The following SEC14L1 variants were observed in gnomAD, a reference collection of about 807,000 sequenced individuals.
The protein encoded by SEC14L1 is SEC14 like lipid binding 1.
A neutral mutation model predicts 85.3 loss-of-function variants in SEC14L1; 48 were observed. The observed-to-expected ratio is 0.56, with a 90% confidence interval of 0.45 to 0.72. The LOEUF (loss-of-function observed/expected upper bound fraction) is 0.72, where lower values mean the gene tolerates loss of function less well. Among genes scored for constraint, SEC14L1 ranks in the 30% least tolerant of loss-of-function variants. The pLI is 0.00. For synonymous variants in SEC14L1, 391 were observed against 355.5 expected, an observed-to-expected ratio of 1.10 and a Z score of -1.12; for missense variants, 682 against 921.4, an observed-to-expected ratio of 0.74 and a Z score of 3.36.
intron 3 of SEC14L1, among the ~76,000 whole-genome samples, chr17:77,123,632 C>T (rs888667469): frequency 2.0e-5 from 3 of 151,502 alleles, no homozygotes; most frequent in Non-Finnish European, 4.4e-5. Context: ...GCCCAGGTCT[C>T]GAACTCCTGG....
intron 3 of SEC14L1, among the ~76,000 whole-genome samples, chr17:77,185,035 A>G (rs998599265): frequency 6.6e-6 from 1 of 152,186 alleles, no homozygotes; most frequent in African/African-American, 2.4e-5. Context: ...TGACCTTAAC[A>G]TATCTCTGAA....
chr17:77,114,914 G>C (rs775332576), intron 3 of SEC14L1, among the ~76,000 whole-genome samples: 13 of 151,282 alleles, frequency 8.6e-5, no homozygotes, highest in Non-Finnish European at 1.9e-4. Context: ...TTTTCTGGAG[G>C]CTCCCAGCTA....
At chr17:77,174,947 T>G (rs56396509) in intron 3 of SEC14L1, among the ~76,000 whole-genome samples, 10,241 of 152,280 alleles carry the variant, frequency 0.067, 549 homozygotes, top group Admixed American at 0.16. Flanking sequence ...CTGTACAATC[T>G]AAACTGATCC....
chr17:77,147,347 A>T (rs2143545207), intron 3 of SEC14L1, among the ~76,000 whole-genome samples: 1 of 152,084 alleles, frequency 6.6e-6, no homozygotes, highest in South Asian at 2.1e-4. Context: ...ATGAAAATTT[A>T]CCATTTGTTT....
intron 3 of SEC14L1, among the ~76,000 whole-genome samples, chr17:77,108,193 C>T (rs1971961572): frequency 6.6e-6 from 1 of 152,170 alleles, no homozygotes. Flanking sequence ...TATAAATGTG[C>T]TCAATAAAGC....
At chr17:77,127,275 T>G (rs1972477179) in intron 3 of SEC14L1, among the ~76,000 whole-genome samples, 1 of 152,308 alleles carries the variant, frequency 6.6e-6, no homozygotes, top group East Asian at 1.9e-4. Context: ...CTGAGGATGA[T>G]GGCTTCCAGC....
chr17:77,197,666 C>T (rs951239646), intron 8 of SEC14L1, among the ~76,000 whole-genome samples: 1 of 151,826 alleles, frequency 6.6e-6, no homozygotes, highest in African/African-American at 2.4e-5. Context: ...GTCACCCAGG[C>T]TGGTGCAGTC....
At chr17:77,195,519 T>A (rs1975765395) in intron 7 of SEC14L1, among the ~76,000 whole-genome samples, 1 of 151,680 alleles carries the variant, frequency 6.6e-6, no homozygotes, top group South Asian at 2.1e-4. Flanking sequence ...GATAAAAAAG[T>A]CTCTGTCGCC....
rs575812001 is a variant in SEC14L1, at chr17:77,215,654, G to C, written c.*1631G>C. The C allele has an allele frequency of 1.2e-5, 12 of 991,586 alleles. No homozygotes were observed. The East Asian group carries it at 1.3e-3, about 107-fold the overall frequency. The allele number at this position is 991,586 out of a possible 1,614,324, so 61.4% of individuals were successfully genotyped here. ...TCACCTGCCTTTGGACCACATTTGTGTTTGCTCTTAGAGATCGAGCTCCTC... is the reference window on the plus strand; with the variant it reads ...TCACCTGCCTTTGGACCACATTTGTCTTTGCTCTTAGAGATCGAGCTCCTC... On this transcript the variant is annotated 3_prime_UTR_variant, in exon 17 of 17. Transcript: ENST00000436233.
intron 3 of SEC14L1, chr17:77,152,765 C>G (rs1396143890): frequency 6.6e-6 from 1 of 152,172 alleles, no homozygotes; most frequent in South Asian, 2.1e-4. Context: ...ACACAGTTCA[C>G]GTTCATGTTT....
chr17:77,167,801 C>G (rs1598334577), intron 3 of SEC14L1, among the ~76,000 whole-genome samples: 1 of 152,202 alleles, frequency 6.6e-6, no homozygotes, highest in African/African-American at 2.4e-5. Context: ...GTTACTCCCT[C>G]TACCCAAAGG....
intron 3 of SEC14L1, among the ~76,000 whole-genome samples, chr17:77,113,931 G>A (rs1972108364): frequency 6.6e-6 from 1 of 152,098 alleles, no homozygotes; most frequent in Non-Finnish European, 1.5e-5. Flanking sequence ...AAGCATGATA[G>A]GTTAGTTTCT....
intron 8 of SEC14L1, 63 bp from the exon 9 acceptor site, chr17:77,200,420 CA>C: frequency 7.4e-7 from 1 of 1,356,140 alleles, no homozygotes; most frequent in Non-Finnish European, 1.0e-6. Flanking sequence ...CCGTCCACCG[CA>C]GCCTCCCAAA....
Position 77,193,323 on chromosome 17 carries a change from G to A in SEC14L1, c.346-98G>A, listed in dbSNP as rs1055847788. 19 of 1,165,256 alleles carry A rather than the reference G, an allele frequency of 1.6e-5. No individual in the cohort carries two copies. In the South Asian group the frequency reaches 2.1e-4, roughly 13 times the overall value. The allele number at this position is 1,165,256 out of a possible 1,614,324, so 72.2% of individuals were successfully genotyped here. A position where few individuals can be genotyped will look rare whatever the true frequency, so the allele number is the denominator to read the frequency against. ...TTATGGTAGTAGCATTGTTAGTAACGTAAGTGTTTTTTTCTGGTTACTGGT... is the reference window on the plus strand; with the variant it reads ...TTATGGTAGTAGCATTGTTAGTAACATAAGTGTTTTTTTCTGGTTACTGGT... On this transcript the variant is annotated intron_variant, in intron 5 of 16. Coordinates refer to ENST00000436233, the MANE Select transcript of SEC14L1 (RefSeq NM_001143998.2).
chr17:77,214,840 T>C lies in SEC14L1; in HGVS notation c.*817T>C. 1 of 985,528 alleles carries C rather than the reference T, an allele frequency of 1.0e-6. No homozygotes were observed. The highest frequency in any genetic ancestry group is 4.7e-5 in the South Asian group (1 of 21,296). 61.0% of individuals were successfully genotyped at this position (985,528 alleles called of 1,614,324 possible). ...CACCTGCAGTCAGCTCCCAGCCCAG[T>C]GTAGGCCATCTCCTCTGTGCCCTCT... is the stretch of plus-strand genomic sequence containing the variant. On this transcript the variant is annotated 3_prime_UTR_variant, in exon 17 of 17. Coordinates refer to ENST00000436233, the MANE Select transcript of SEC14L1 (RefSeq NM_001143998.2).
chr17:77,136,591 A>G (rs1972807023), upstream of SEC14L1, among the ~76,000 whole-genome samples: 2 of 152,186 alleles, frequency 1.3e-5, no homozygotes, highest in Admixed American at 1.3e-4. Context: ...GGGTGTGCCC[A>G]TGTGATTAAG....
At chr17:77,203,758 A>T (rs1183664710) in intron 10 of SEC14L1, 100 bp downstream of exon 10, 1 of 833,404 alleles carries the variant, frequency 1.2e-6, no homozygotes, top group East Asian at 2.7e-5. Flanking sequence ...AACAAACATG[A>T]ATTGCTTATG....
intron 9 of SEC14L1, among the ~76,000 whole-genome samples, chr17:77,202,066 C>T (rs1976178015): frequency 1.3e-5 from 2 of 152,138 alleles, no homozygotes; most frequent in South Asian, 2.1e-4. Context: ...GCAGTGCTGA[C>T]TCTAGGGATA....
chr17:77,153,995 C>T (rs1973689901), intron 3 of SEC14L1, among the ~76,000 whole-genome samples: 1 of 152,190 alleles, frequency 6.6e-6, no homozygotes, highest in Non-Finnish European at 1.5e-5. Context: ...AAGAGGACAG[C>T]AGCCCTCTGT....
Sources: allele counts gnomAD v4.1 joint callset (sites outside exome capture counted in the v4.1 genomes callset), GRCh38; gene constraint gnomAD v4.1.1; transcripts MANE v1.5; gene names NCBI Gene and HGNC (gene_info 2026-07-23, HGNC 2026-07-21).